Variants in COL6A6 observed in about 807,000 individuals in gnomAD.
COL6A6 encodes collagen alpha-6(VI) chain.
In COL6A6, 183 loss-of-function variants were observed where a neutral mutation model predicts 208.6. That is an observed-to-expected ratio of 0.88 (90% CI 0.78 to 0.99). The LOEUF (loss-of-function observed/expected upper bound fraction) is 0.99. Ranked by LOEUF, COL6A6 falls within the 50% of genes least tolerant of loss-of-function variation. The pLI is 0.00. For synonymous variants in COL6A6, 973 were observed against 1,011.8 expected, an observed-to-expected ratio of 0.96 and a Z score of 0.73; for missense variants, 2,816 against 2,815.2, an observed-to-expected ratio of 1.00 and a Z score of -0.01.
At chr3:130,593,927 C>A (rs1243534561) in intron 17 of COL6A6, among the ~76,000 whole-genome samples, 1 of 152,044 alleles carries the variant, frequency 6.6e-6, no homozygotes, top group Non-Finnish European at 1.5e-5. Context: ...AGAGTGTGAA[C>A]AATTGAGTCA....
rs2108458318 is a variant in COL6A6 at position 130,661,799 on chromosome 3, C to A, written c.5993C>A (p.Thr1998Asn). Reference protein sequence around the residue: ...LGALLDHFEITPEPETSVTGD... With the variant: ...LGALLDHFEINPEPETSVTGD... ...GCACTATTAGATCACTTTGAAATCA[C>A]CCCAGAGCCGGAGACTTCTGTCACT... Residue 1998 changes from threonine to asparagine, a missense_variant, in exon 35 of 37, where the codon ACC becomes AAC. Thr to Asn is a moderately conservative substitution (Grantham distance 65). Coordinates refer to ENST00000358511, the MANE Select transcript of COL6A6 (RefSeq NM_001102608.3). 1 of 1,613,936 alleles carries A rather than the reference C, an allele frequency of 6.2e-7. No homozygotes were observed. The highest frequency in any genetic ancestry group is 1.6e-4 in the Middle Eastern group (1 of 6,062).
At chr3:130,540,033 A>G (rs2062324037) in intron 1 of COL6A6, among the ~76,000 whole-genome samples, 1 of 152,212 alleles carries the variant, frequency 6.6e-6, no homozygotes, top group Non-Finnish European at 1.5e-5. Flanking sequence ...CTTATTTGTT[A>G]ATAATAAACC....
intron 19 of COL6A6, among the ~76,000 whole-genome samples, chr3:130,599,012 G>A (rs1017688289): frequency 1.3e-5 from 2 of 152,146 alleles, no homozygotes; most frequent in African/African-American, 4.8e-5. Flanking sequence ...ACGATAAAGT[G>A]GAAAGAACTG....
intron 21 of COL6A6, among the ~76,000 whole-genome samples, chr3:130,608,488 C>G (rs1335441334): frequency 6.6e-6 from 1 of 151,976 alleles, no homozygotes; most frequent in Non-Finnish European, 1.5e-5. Context: ...CTTTTGTTCC[C>G]TAGATATTTA....
intron 19 of COL6A6, among the ~76,000 whole-genome samples, 171 bp downstream of exon 19, chr3:130,598,601 G>T (rs900524912): frequency 1.4e-4 from 21 of 152,166 alleles, no homozygotes; most frequent in Non-Finnish European, 3.1e-4. Context: ...GTACTACTCT[G>T]GGATTTGAGA....
intron 36 of COL6A6, among the ~76,000 whole-genome samples, chr3:130,668,409 CAG>C (rs1011977369): frequency 5.3e-5 from 8 of 152,096 alleles, no homozygotes; most frequent in Admixed American, 2.6e-4. Context: ...ACCCAGGAGA[CAG>C]GGGTTGCAGT....
chr3:130,643,129 G>A (rs2065367726), intron 31 of COL6A6, 106 bp downstream of exon 31: 4 of 1,212,958 alleles, frequency 3.3e-6, no homozygotes, highest in South Asian at 1.3e-5. Flanking sequence ...TCTTAAAATT[G>A]GAGATGTCAC....
chr3:130,537,795 C>G (rs1352704727), intron 1 of COL6A6, among the ~76,000 whole-genome samples: 1 of 152,184 alleles, frequency 6.6e-6, no homozygotes, highest in Non-Finnish European at 1.5e-5. Flanking sequence ...AGATTTCAGA[C>G]TAGCTGATGT....
rs2063092829 is a variant in COL6A6 at position 130,568,754 on chromosome 3, C to A, written c.2401+150C>A. On this transcript the variant is annotated intron_variant, in intron 6 of 36. Coordinates refer to ENST00000358511, the MANE Select transcript of COL6A6 (RefSeq NM_001102608.3). Reference sequence around the variant, plus strand: ...AGTGGCTTTGACCTGTTGAATTAAACAGACAGTGAGGAAGAGTTTTGGTTT... The same window carrying A: ...AGTGGCTTTGACCTGTTGAATTAAAAAGACAGTGAGGAAGAGTTTTGGTTT... The A allele has an allele frequency of 1.8e-5, 14 of 788,484 alleles. 1 individual carries two copies. Among genetic ancestry groups the A allele is most frequent in the Non-Finnish European group, 2.7e-5 (14 of 512,016 alleles). 48.8% of individuals were successfully genotyped at this position (788,484 alleles called of 1,614,324 possible). A position where few individuals can be genotyped will look rare whatever the true frequency, so the allele number is the denominator to read the frequency against.
chr3:130,528,670 T>C (rs761419158), intron 1 of COL6A6, among the ~76,000 whole-genome samples: 2 of 152,156 alleles, frequency 1.3e-5, no homozygotes, highest in African/African-American at 4.8e-5. Context: ...TCAGGTGGTA[T>C]TGGTTCTTAG....
In COL6A6 at chr3:130,674,940, T is replaced by C. The variant is rs563920118; in HGVS notation, c.6597-262T>C. The stretch of plus-strand genomic sequence containing the variant: ...TCTAAACAATCAGAAGAACCAACCA[T>C]AGGTAGAAATGAGTGGTACATATTC... On this transcript the variant is annotated intron_variant, in intron 36 of 36. Transcript: ENST00000358511. 2.6e-5 allele frequency among the ~76,000 whole-genome samples: 4 copies of C among 152,234 alleles called. No homozygotes were observed. In the East Asian group the frequency reaches 7.7e-4, roughly 29 times the overall value.
chr3:130,598,505 C>T (rs1156502705), intron 19 of COL6A6, 75 bp downstream of exon 19: 8 of 1,001,482 alleles, frequency 8.0e-6, no homozygotes, highest in Non-Finnish European at 1.1e-5. Flanking sequence ...ATGTGAAATG[C>T]TTAACAAAAA....
chr3:130,557,609 T>C (rs1423051084), intron 1 of COL6A6, among the ~76,000 whole-genome samples: 1 of 152,156 alleles, frequency 6.6e-6, no homozygotes, highest in Admixed American at 6.5e-5. Flanking sequence ...AAAAATAAAA[T>C]CAGTACTTAA....
rs767177395 is a variant in COL6A6 at position 130,574,360 on chromosome 3, A to G, written c.3382A>G (p.Arg1128Gly). The part of the protein sequence containing the change: ...VAQAAEALRH[R>G]GIDIYSVGIG... The stretch of plus-strand genomic sequence containing the variant: ...CCAGGCCGCGGAAGCCCTGAGACAC[A>G]GAGGTATCGACATCTACTCCGTGGG... The change falls in exon 8 of 37, where the codon AGA (arginine) becomes GGA (glycine). Residue 1128 changes from arginine (R) to glycine (G), a missense_variant. Coordinates refer to ENST00000358511, the MANE Select transcript of COL6A6 (RefSeq NM_001102608.3). 12 of 1,613,948 alleles carry G rather than the reference A, an allele frequency of 7.4e-6. No homozygotes were observed. Among genetic ancestry groups the G allele is most frequent in the Admixed American group, 1.7e-5 (1 of 60,016 alleles).
intron 17 of COL6A6, 87 bp from the exon 18 acceptor site, chr3:130,594,194 T>A: frequency 1.9e-6 from 2 of 1,026,954 alleles, no homozygotes; most frequent in Non-Finnish European, 2.9e-6. Context: ...ATTTAATTAT[T>A]CACACCAGGG....
At chr3:130,592,469 A>C (rs2063741156) in intron 13 of COL6A6, 72 bp from the exon 14 acceptor site, 5 of 1,256,032 alleles carry the variant, frequency 4.0e-6, no homozygotes, top group Non-Finnish European at 5.6e-6. Context: ...GTAACAAAAA[A>C]CTTGTCAAGT....
chr3:130,567,329 A>G (rs1288149752), intron 5 of COL6A6, 67 bp downstream of exon 5: 3 of 1,228,410 alleles, frequency 2.4e-6, no homozygotes, highest in African/African-American at 1.5e-5. Flanking sequence ...AATAATTGAC[A>G]TTGCTGGTTT....
At chr3:130,570,250 G>C (rs1296372750) in intron 6 of COL6A6, among the ~76,000 whole-genome samples, 2 of 152,156 alleles carry the variant, frequency 1.3e-5, no homozygotes, top group African/African-American at 4.8e-5. Flanking sequence ...TTATTTCTAT[G>C]ATGAAACCCA....
At chr3:130,519,376 T>C (rs1233830459) in intron 1 of COL6A6, among the ~76,000 whole-genome samples, 1 of 152,192 alleles carries the variant, frequency 6.6e-6, no homozygotes. Flanking sequence ...CCTGCAAATA[T>C]ATAAAAGTGA....
Sources: allele counts gnomAD v4.1 joint callset (sites outside exome capture counted in the v4.1 genomes callset), GRCh38; gene constraint gnomAD v4.1.1; transcripts MANE v1.5; gene names NCBI Gene and HGNC (gene_info 2026-07-23, HGNC 2026-07-21).